The following MAEA variants were observed in gnomAD, a reference collection of about 807,000 sequenced individuals.
MAEA encodes macrophage erythroblast attacher, E3 ubiquitin ligase, also known as E3 ubiquitin-protein transferase MAEA.
In MAEA, 22 loss-of-function variants were observed where a neutral mutation model predicts 46.2. That is an observed-to-expected ratio of 0.48 (90% CI 0.34 to 0.68). MAEA has a LOEUF of 0.68. Ranked by LOEUF, MAEA falls within the 30% of genes least tolerant of loss-of-function variation. The pLI is 0.01. For synonymous variants in MAEA, 246 were observed against 222.6 expected (o/e 1.11, Z -0.94); for missense variants, 393 against 558.1 (o/e 0.70, Z 2.98).
chr4:1,327,324 G>C (rs974722480), intron 4 of MAEA, among the ~76,000 whole-genome samples: 1 of 152,212 alleles, frequency 6.6e-6, no homozygotes, highest in Non-Finnish European at 1.5e-5. Flanking sequence ...TGCCCTCCCA[G>C]CTGTGCTCCT....
intron 7 of MAEA, chr4:1,337,391 T>A (rs530716960): frequency 3.8e-6 from 1 of 262,316 alleles, no homozygotes; most frequent in Non-Finnish European, 7.6e-6. Flanking sequence ...TGTGACCGAC[T>A]CTGTCTGCCT....
intron 3 of MAEA, among the ~76,000 whole-genome samples, chr4:1,320,671 T>C (rs1345499612): frequency 1.3e-5 from 2 of 149,856 alleles, no homozygotes; most frequent in Non-Finnish European, 2.9e-5. Flanking sequence ...GAAGACACTA[T>C]GAAGGGGTTT....
chr4:1,310,142 T>G (rs995414493), intron 1 of MAEA: 1 of 499,922 alleles, frequency 2.0e-6, no homozygotes, highest in Admixed American at 6.3e-5. Context: ...CCTTGCGTCC[T>G]TTAGAAATTC....
At chr4:1,296,669 C>T (rs1734762448) in intron 1 of MAEA, among the ~76,000 whole-genome samples, 1 of 151,760 alleles carries the variant, frequency 6.6e-6, no homozygotes, top group South Asian at 2.1e-4. Flanking sequence ...AGCTACTACT[C>T]CCTGTCTCTG....
Position 1,327,710 on chromosome 4 carries a change from A to G in MAEA, c.656+7A>G. ...AGAGACTGGACGCTGTGAGGTAGGC[A>G]TTGCGGACGTGCGTCTCCTCGAGGG... On this transcript the variant is annotated splice_region_variant and intron_variant, in intron 5 of 8. Coordinates refer to ENST00000303400, the MANE Select transcript of MAEA (RefSeq NM_001017405.3). 6.2e-7 allele frequency: 1 copy of G among 1,612,836 alleles called. No homozygotes were observed. Among genetic ancestry groups the G allele is most frequent in the Non-Finnish European group, 8.5e-7 (1 of 1,179,318 alleles).
chr4:1,322,779 G>A (rs1738292885), intron 4 of MAEA, among the ~76,000 whole-genome samples: 2 of 152,122 alleles, frequency 1.3e-5, no homozygotes, highest in South Asian at 2.1e-4. Context: ...ACAGAGTGTT[G>A]GGGCTGCTGG....
rs1560401000 is a variant in MAEA at position 1,339,759 on chromosome 4, C to T, written c.*590C>T. The T allele has an allele frequency of 6.5e-6, 1 of 154,896 alleles. No homozygotes were observed. The highest frequency in any genetic ancestry group is 1.9e-4 in the East Asian group (1 of 5,226). The allele number at this position is 154,896 out of a possible 1,614,324, so 9.6% of individuals were successfully genotyped here. The stretch of plus-strand genomic sequence containing the variant: ...TGCCTCGCGGGTCGTGTCCGCGGGA[C>T]TGTGTTCGTACGTGCATAGTTTCGA... On this transcript the variant is annotated 3_prime_UTR_variant, in exon 9 of 9. Coordinates refer to ENST00000303400, the MANE Select transcript of MAEA (RefSeq NM_001017405.3).
intron 3 of MAEA, among the ~76,000 whole-genome samples, chr4:1,319,306 T>G (rs1312543537): frequency 1.3e-5 from 2 of 151,522 alleles, no homozygotes; most frequent in Non-Finnish European, 2.9e-5. Context: ...TGAGCCAAGA[T>G]TGCACCACTG....
intron 1 of MAEA, among the ~76,000 whole-genome samples, chr4:1,295,258 C>T (rs1182251699): frequency 1.3e-5 from 2 of 152,124 alleles, no homozygotes; most frequent in Non-Finnish European, 2.9e-5. Flanking sequence ...ACACTTCCTG[C>T]CGGGGTAACT....
chr4:1,292,120 A>AC (rs1208121108), intron 1 of MAEA, among the ~76,000 whole-genome samples: 2 of 152,136 alleles, frequency 1.3e-5, no homozygotes, highest in Non-Finnish European at 2.9e-5. Context: ...GGGCTGCAGG[A>AC]CCGGGGTTGT....
At chr4:1,314,102 C>G (rs1451415026) in intron 2 of MAEA, among the ~76,000 whole-genome samples, 2 of 151,982 alleles carry the variant, frequency 1.3e-5, no homozygotes, top group Non-Finnish European at 2.9e-5. Context: ...CCAAGGCAGG[C>G]GGATCACCTG....
rs1349072871 is a variant in MAEA, at chr4:1,327,778, C to T, written c.656+75C>T. 26 of 1,361,650 alleles carry T rather than the reference C, an allele frequency of 1.9e-5. No individual in the cohort carries two copies. In the South Asian group the frequency reaches 2.7e-4, roughly 14 times the overall value. The allele number at this position is 1,361,650 out of a possible 1,614,324, so 84.3% of individuals were successfully genotyped here. On this transcript the variant is annotated intron_variant, in intron 5 of 8. Transcript: ENST00000303400. ...TGCGGCCCCTGCCAGCCCTCCCTGTCGTGGTCTGGGTCCTGGGACGTCCCC... is the reference window on the plus strand; with the variant it reads ...TGCGGCCCCTGCCAGCCCTCCCTGTTGTGGTCTGGGTCCTGGGACGTCCCC...
At chr4:1,328,630 G>T in intron 5 of MAEA, 5 of 1,260,712 alleles carry the variant, frequency 4.0e-6, no homozygotes, top group Non-Finnish European at 5.1e-6. Context: ...ATATCCACCT[G>T]CAGTGGGCCG....
At chr4:1,300,614 G>A (rs1735221883) in intron 1 of MAEA, among the ~76,000 whole-genome samples, 3 of 152,376 alleles carry the variant, frequency 2.0e-5, no homozygotes, top group East Asian at 1.9e-4. Flanking sequence ...CTGGGGCTGC[G>A]TGGCGTGCGT....
At chr4:1,313,860 T>C (rs1344659280) in intron 2 of MAEA, among the ~76,000 whole-genome samples, 1 of 151,880 alleles carries the variant, frequency 6.6e-6, no homozygotes, top group African/African-American at 2.4e-5. Flanking sequence ...CTGGGCAACA[T>C]GGCAAAACCC....
intron 1 of MAEA, among the ~76,000 whole-genome samples, chr4:1,290,623 T>C (rs74427837): frequency 0.083 from 12,627 of 152,244 alleles, 710 homozygotes; most frequent in Admixed American, 0.11. Context: ...GGATTTGATA[T>C]GAAGCACCTG....
rs556462078 is a variant in MAEA, at chr4:1,339,767, G to A, written c.*598G>A. 18 of 153,674 alleles carry A rather than the reference G, an allele frequency of 1.2e-4. No homozygotes were observed. Among genetic ancestry groups the A allele is most frequent in the South Asian group, 4.1e-4 (2 of 4,920 alleles). 9.5% of individuals were successfully genotyped at this position (153,674 alleles called of 1,614,324 possible). ...GGGTCGTGTCCGCGGGACTGTGTTC[G>A]TACGTGCATAGTTTCGATATCACAT... On this transcript the variant is annotated 3_prime_UTR_variant, in exon 9 of 9. Transcript: ENST00000303400.
rs879894935 is a variant in MAEA, at chr4:1,311,350, C to G, written c.70-629C>G. Among the ~76,000 whole-genome samples the G allele has an allele frequency of 3.3e-5, 5 of 152,364 alleles. No individual in the cohort carries two copies. Among genetic ancestry groups the G allele is most frequent in the Middle Eastern group, 3.4e-3 (1 of 294 alleles). ...CGGAGAAGAACTCAGCAGCGCTTCT[C>G]TCAGAGGGACAGAAAACTAACAACG... On this transcript the variant is annotated intron_variant, in intron 1 of 8. Coordinates refer to ENST00000303400, the MANE Select transcript of MAEA (RefSeq NM_001017405.3). This position sits in a 1 kb window ranked among gnomAD's most constrained non-coding sequence, Gnocchi z 4.4.
intron 2 of MAEA, among the ~76,000 whole-genome samples, chr4:1,314,099 A>G (rs1323232403): frequency 1.3e-5 from 2 of 152,208 alleles, no homozygotes; most frequent in Non-Finnish European, 2.9e-5. Context: ...AGGCCAAGGC[A>G]GGCGGATCAC....
Sources: allele counts gnomAD v4.1 joint callset (sites outside exome capture counted in the v4.1 genomes callset), GRCh38; gene constraint gnomAD v4.1.1; non-coding constraint Gnocchi (gnomAD v3.1); transcripts MANE v1.5; gene names NCBI Gene and HGNC (gene_info 2026-07-23, HGNC 2026-07-21).